The following TBC1D25 variants were observed in gnomAD, a reference collection of about 807,000 sequenced individuals.
The protein encoded by TBC1D25 is 5SN3 snoRNA.
A neutral mutation model predicts 38.8 loss-of-function variants in TBC1D25; 13 were observed. The observed-to-expected ratio is 0.34, with a 90% CI of 0.22 to 0.53. TBC1D25 has a LOEUF of 0.53. TBC1D25 is among the 20% of genes least tolerant of loss of function. TBC1D25 has a pLI of 0.94. For synonymous variants in TBC1D25, 225 were observed against 255.6 expected, an observed-to-expected ratio of 0.88 and a Z score of 1.14; for missense variants, 372 against 600.0, an observed-to-expected ratio of 0.62 and a Z score of 3.97.
At chrX:48,542,075 G>A (rs1250843144) in intron 2 of TBC1D25, among the ~76,000 whole-genome samples, 2 of 98,345 alleles carry the variant, frequency 2.0e-5, no homozygotes, top group Non-Finnish European at 4.0e-5. Context: ...CCAGGCTGCA[G>A]TGCAGTGACA....
At chrX:48,555,795 A>G (rs1556984330) in intron 3 of TBC1D25, among the ~76,000 whole-genome samples, 1 of 109,824 alleles carries the variant, frequency 9.1e-6, no homozygotes, top group Admixed American at 9.9e-5. Flanking sequence ...ATGTGAGCAA[A>G]GGAATCTGTA....
Position 48,560,306 on chromosome X carries a change from A to C in TBC1D25, c.1398A>C (p.Arg466=), listed in dbSNP as rs1556985819. ...GFGGHRGWPV[R]QRHMLRPAGG... is the part of the protein sequence containing the mutation. ...GTGGCCACAGGGGGTGGCCCGTGCG[A>C]CAGAGGCACATGCTGAGGCCTGCTG... The change falls in exon 6 of 6, where the codon CGA becomes CGC. Residue 466 remains arginine (R), a synonymous_variant. Coordinates refer to ENST00000376771, the MANE Select transcript of TBC1D25 (RefSeq NM_002536.4). 1 of 1,211,637 alleles carries C rather than the reference A, an allele frequency of 8.3e-7. No individual in the cohort carries two copies. Among genetic ancestry groups the C allele is most frequent in the East Asian group, 3.0e-5 (1 of 33,809 alleles).
chrX:48,560,181 C>T lies in TBC1D25; in HGVS notation c.1273C>T (p.Arg425Cys), dbSNP rs147782707. 8.3e-6 allele frequency: 10 copies of T among 1,207,744 alleles called. No individual in the cohort carries two copies. The highest frequency in any genetic ancestry group is 1.1e-5 in the Non-Finnish European group (10 of 894,109). The change falls in exon 6 of 6, where the codon CGC becomes TGC. Residue 425 changes from arginine (R) to cysteine (C), a missense_variant. Arg to Cys is a radical substitution (Grantham distance 180). Coordinates refer to ENST00000376771, the MANE Select transcript of TBC1D25 (RefSeq NM_002536.4). ...TGAGTTCGCCTTCGACGATGCCCTC[C>T]GCATGCTTGAGGTCACTTGGAGTTC... The part of the protein sequence containing the change: ...KREFAFDDAL[R>C]MLEVTWSSLP...
chrX:48,549,871 A>G (rs938612935), intron 3 of TBC1D25, among the ~76,000 whole-genome samples: 3 of 112,191 alleles, frequency 2.7e-5, no homozygotes, highest in Non-Finnish European at 3.8e-5. Context: ...ATTTTCTTCT[A>G]CTATGCTTAT....
rs782024756 is a variant in TBC1D25, at chrX:48,539,753, T to TG, written c.-39dup. The TG allele has an allele frequency of 2.2e-4, 206 of 916,429 alleles. 7 individuals are homozygous for TG. Among genetic ancestry groups the TG allele is most frequent in the East Asian group, 1.9e-3 (43 of 22,446 alleles). 75.5% of individuals were successfully genotyped at this position (916,429 alleles called of 1,213,427 possible). A position where few individuals can be genotyped will look rare whatever the true frequency, so the allele number is the denominator to read the frequency against. ...CAGTACAGTAGAGTGTGCGCCGGGG[T>TG]GGGGGGCAACGGTCAGCCGTCACCC... On this transcript the variant is annotated 5_prime_UTR_variant, in exon 1 of 6. Coordinates refer to ENST00000376771, the MANE Select transcript of TBC1D25 (RefSeq NM_002536.4).
At position 48,541,521 on chromosome X, in the gene TBC1D25, T is replaced by A. The variant is rs782740045; in HGVS notation, c.233+79T>A. On this transcript the variant is annotated intron_variant, in intron 2 of 5. Coordinates refer to ENST00000376771, the MANE Select transcript of TBC1D25 (RefSeq NM_002536.4). ...CTATCTGGCCTTTGTTTGGTAGGGTTTTTGTTTATTTTACTACTACAAATA... is the reference window on the plus strand; with the variant it reads ...CTATCTGGCCTTTGTTTGGTAGGGTATTTGTTTATTTTACTACTACAAATA... 1.5e-5 allele frequency: 14 copies of A among 942,659 alleles called. No individual in the cohort carries two copies. In the East Asian group the frequency reaches 3.7e-4, roughly 25 times the overall value. 77.7% of individuals were successfully genotyped at this position (942,659 alleles called of 1,213,427 possible).
At chrX:48,553,529 GA>G (rs1263989156) in intron 3 of TBC1D25, among the ~76,000 whole-genome samples, 2 of 108,599 alleles carry the variant, frequency 1.8e-5, no homozygotes, top group Admixed American at 2.0e-4. Context: ...CCAGGGTTGT[GA>G]AGCAGAAGTC....
At chrX:48,550,366 TA>T (rs782015264) in intron 3 of TBC1D25, among the ~76,000 whole-genome samples, 2 of 112,393 alleles carry the variant, frequency 1.8e-5, no homozygotes, top group Admixed American at 1.9e-4. Flanking sequence ...AGTTTCCATA[TA>T]TACAAGCTTG....
intron 2 of TBC1D25, chrX:48,541,663 C>CAT (rs1307943802): frequency 6.9e-6 from 3 of 437,528 alleles, no homozygotes; most frequent in Non-Finnish European, 8.0e-6. Context: ...GCAAATATTA[C>CAT]ATACAATAAG....
chrX:48,558,535 TG>T (rs1403812005), intron 3 of TBC1D25, among the ~76,000 whole-genome samples: 1 of 112,331 alleles, frequency 8.9e-6, no homozygotes, highest in Non-Finnish European at 1.9e-5. Flanking sequence ...GAGTCAGTAT[TG>T]GCAAAGAATT....
At chrX:48,544,738 G>T (rs2061868805) in intron 2 of TBC1D25, 131 bp from the exon 3 acceptor site, 1 of 832,292 alleles carries the variant, frequency 1.2e-6, no homozygotes. Context: ...CATAATCCTT[G>T]GCACAGTACC....
rs782307834 is a variant in TBC1D25 at position 48,560,165 on chromosome X, C to T, written c.1257C>T (p.Ala419=). ...TGCTGGAACTCAAGCGTGAGTTCGC[C>T]TTCGACGATGCCCTCCGCATGCTTG... ...WLLLELKREF[A]FDDALRMLEV... The change falls in exon 6 of 6, where the codon GCC becomes GCT. Residue 419 remains alanine, a synonymous_variant. Coordinates refer to ENST00000376771, the MANE Select transcript of TBC1D25 (RefSeq NM_002536.4). The T allele has an allele frequency of 1.7e-6, 2 of 1,208,722 alleles. No individual in the cohort carries two copies. Among genetic ancestry groups the T allele is most frequent in the Admixed American group, 4.4e-5 (2 of 45,614 alleles).
chrX:48,556,089 T>C (rs1210278736), intron 3 of TBC1D25, among the ~76,000 whole-genome samples: 1 of 107,854 alleles, frequency 9.3e-6, no homozygotes, highest in Non-Finnish European at 1.9e-5. Flanking sequence ...CTCCTCAGCA[T>C]AGACCCTTTA....
Position 48,560,750 on chromosome X carries a change from G to A in TBC1D25, c.1842G>A (p.Gly614=). 1 of 1,211,551 alleles carries A rather than the reference G, an allele frequency of 8.3e-7. No individual in the cohort carries two copies. The highest frequency in any genetic ancestry group is 1.1e-6 in the Non-Finnish European group (1 of 895,159). ...GLPPPQEFGR[G]NPFMLFLCLA... ...CCCCACCCCAGGAGTTTGGCCGGGG[G>A]AACCCATTCATGCTGTTCCTCTGCC... The change falls in exon 6 of 6, where the codon GGG becomes GGA. Residue 614 remains glycine (G), a synonymous_variant. Coordinates refer to ENST00000376771, the MANE Select transcript of TBC1D25 (RefSeq NM_002536.4).
At chrX:48,556,746 C>CAAAA (rs57538682) in intron 3 of TBC1D25, among the ~76,000 whole-genome samples, 1 of 42,411 alleles carries the variant, frequency 2.4e-5, no homozygotes, top group Non-Finnish European at 4.1e-5. Flanking sequence ...GACTCCGTCT[C>CAAAA]AAAAAAAAAA....
At chrX:48,544,216 T>C (rs1556981052) in intron 2 of TBC1D25, among the ~76,000 whole-genome samples, 1 of 112,017 alleles carries the variant, frequency 8.9e-6, no homozygotes, top group Non-Finnish European at 1.9e-5. Context: ...TACATAAACA[T>C]TTTTGTTGTG....
Position 48,559,195 on chromosome X carries a change from G to A in TBC1D25, c.554G>A (p.Ser185Asn), listed in dbSNP as rs1345761241. 8.3e-7 allele frequency: 1 copy of A among 1,209,184 alleles called. No individual in the cohort carries two copies. The highest frequency in any genetic ancestry group is 1.8e-5 in the African/African-American group (1 of 56,966). ...TTGTCTAAGGTCCAACAAGTGCTGA[G>A]CTGGTCGTATGGGGAAGATGTCAAG... ...RTLSKVQQVL[S>N]WSYGEDVKPF... Residue 185 changes from serine (S) to asparagine (N), a missense_variant, in exon 5 of 6, where the codon AGC becomes AAC. Physicochemically the swap from Ser to Asn is conservative, Grantham distance 46. Transcript: ENST00000376771.
intron 3 of TBC1D25, among the ~76,000 whole-genome samples, chrX:48,551,481 C>T (rs1355085962): frequency 9.1e-6 from 1 of 109,996 alleles, no homozygotes; most frequent in Non-Finnish European, 1.9e-5. Context: ...GCACGCGCCA[C>T]CACGCCCAGC....
At chrX:48,548,953 C>G (rs781852788) in intron 3 of TBC1D25, among the ~76,000 whole-genome samples, 14 of 112,407 alleles carry the variant, frequency 1.2e-4, no homozygotes, top group Admixed American at 3.8e-4. Flanking sequence ...GTTTGGATGG[C>G]CCAGTCCCTC....
Sources: allele counts gnomAD v4.1 joint callset (sites outside exome capture counted in the v4.1 genomes callset), GRCh38; gene constraint gnomAD v4.1.1; transcripts MANE v1.5; gene names NCBI Gene and HGNC (gene_info 2026-07-23, HGNC 2026-07-21).